CWC22: variants seen among roughly 807,000 people sequenced by gnomAD.
The protein encoded by CWC22 is CWC22 spliceosome associated protein.
In CWC22, 53 loss-of-function variants were observed where a neutral mutation model predicts 117.2. The observed-to-expected ratio is 0.45, with a 90% CI of 0.36 to 0.57. CWC22 has a LOEUF of 0.57. Among genes scored for constraint, CWC22 ranks in the 20% least tolerant of loss-of-function variants. The pLI, the probability that CWC22 is intolerant of heterozygous loss-of-function variation, is 0.00. For synonymous variants in CWC22, 360 were observed against 355.6 expected (o/e 1.01, Z -0.14); for missense variants, 980 against 1,068.8 (o/e 0.92, Z 1.16).
intron 13 of CWC22, among the ~76,000 whole-genome samples, chr2:179,961,072 C>T (rs1479089233): frequency 6.6e-6 from 1 of 151,950 alleles, no homozygotes; most frequent in Admixed American, 6.6e-5. Flanking sequence ...ATCCTAAACA[C>T]AGGGCATCTA....
intron 19 of CWC22, among the ~76,000 whole-genome samples, chr2:179,949,310 T>C (rs912198545): frequency 3.3e-5 from 5 of 152,024 alleles, no homozygotes; most frequent in African/African-American, 1.2e-4. Flanking sequence ...ATCTAGAATA[T>C]GTAAAGAAAA....
chr2:179,963,508 A>G (rs1337325460), intron 13 of CWC22, among the ~76,000 whole-genome samples: 1 of 150,860 alleles, frequency 6.6e-6, no homozygotes, highest in Non-Finnish European at 1.5e-5. Context: ...ACGCCCGGCT[A>G]ATTTTTTGTA....
intron 19 of CWC22, among the ~76,000 whole-genome samples, chr2:179,948,225 T>C (rs911290743): frequency 6.6e-6 from 1 of 152,080 alleles, no homozygotes; most frequent in Admixed American, 6.6e-5. Context: ...GCAAAATAAA[T>C]GACAGTATTG....
At chr2:179,949,441 T>G (rs934866635) in intron 19 of CWC22, among the ~76,000 whole-genome samples, 3 of 152,170 alleles carry the variant, frequency 2.0e-5, no homozygotes, top group African/African-American at 7.2e-5. Context: ...ACTTCTCTAG[T>G]TGAAATGCAA....
intron 4 of CWC22, among the ~76,000 whole-genome samples, chr2:179,985,714 C>T (rs1687401697): frequency 6.6e-6 from 1 of 151,948 alleles, no homozygotes; most frequent in South Asian, 2.1e-4. Context: ...AGAGTATATT[C>T]TTATAATCGT....
chr2:179,994,574 T>C (rs1687653170), intron 1 of CWC22, among the ~76,000 whole-genome samples: 2 of 152,206 alleles, frequency 1.3e-5, no homozygotes, highest in Admixed American at 1.3e-4. Context: ...GATGGGGATG[T>C]ATACGAATTA....
chr2:179,945,328 CTG>C lies in CWC22; in HGVS notation c.2526_2527del (p.Asp842GlufsTer2). 1 of 1,613,378 alleles carries C rather than the reference CTG, an allele frequency of 6.2e-7. No homozygotes were observed. The highest frequency in any genetic ancestry group is 1.1e-5 in the South Asian group (1 of 90,926). The stretch of plus-strand genomic sequence containing the variant: ...TCTATCTTTTCTTCTGAAATTTTCA[CTG>C]TCTTTAATTCGGTGTGTATGCTTCT... On this transcript the variant is annotated frameshift_variant, in exon 20 of 20. Transcript: ENST00000410053. LOFTEE classifies it high-confidence loss of function.
At chr2:179,956,906 CCTAGA>C (rs1686606751) in intron 14 of CWC22, among the ~76,000 whole-genome samples, 1 of 151,858 alleles carries the variant, frequency 6.6e-6, no homozygotes, top group African/African-American at 2.4e-5. Context: ...TACCTTCTTC[CCTAGA>C]CTAAACGCAA....
At chr2:179,961,383 AG>A (rs1211024801) in intron 13 of CWC22, among the ~76,000 whole-genome samples, 2 of 151,978 alleles carry the variant, frequency 1.3e-5, no homozygotes, top group African/African-American at 4.8e-5. Flanking sequence ...TATTACTTAG[AG>A]GGTTTCCTAA....
intron 1 of CWC22, among the ~76,000 whole-genome samples, chr2:180,003,840 C>A (rs1056911704): frequency 6.6e-6 from 1 of 152,180 alleles, no homozygotes; most frequent in South Asian, 2.1e-4. Context: ...CAGCCCATAC[C>A]CCGTTTTTGG....
At chr2:179,991,081 A>C (rs1687555078) in intron 2 of CWC22, among the ~76,000 whole-genome samples, 1 of 152,178 alleles carries the variant, frequency 6.6e-6, no homozygotes, top group South Asian at 2.1e-4. Flanking sequence ...TTACCTTTTA[A>C]AATTTTTCGA....
intron 1 of CWC22, among the ~76,000 whole-genome samples, chr2:179,994,832 C>T (rs10754991): frequency 6.6e-6 from 1 of 152,210 alleles, no homozygotes; most frequent in Non-Finnish European, 1.5e-5. Flanking sequence ...AGTTGTCCCC[C>T]AATCTTTTCT....
rs1686842331 is a variant in CWC22 at position 179,964,617 on chromosome 2, T to C, written c.1327A>G (p.Thr443Ala). 3 of 1,538,256 alleles carry C rather than the reference T, an allele frequency of 2.0e-6. No homozygotes were observed. In the South Asian group the frequency reaches 3.6e-5, roughly 19 times the overall value. ...GEEDEEGQKVTIHDKTEINLV... is the reference protein window; with the variant it reads ...GEEDEEGQKVAIHDKTEINLV... ...TTAATTTCTGTTTTGTCATGAATAG[T>C]TACTTTTTGTCCTGAAAGAAACATA... Residue 443 changes from threonine (T) to alanine (A), a missense_variant, in exon 13 of 20, where the codon ACT becomes GCT. By Grantham distance (58) the Thr-to-Ala change is moderately conservative. This residue lies in a region of CWC22 where 559 missense variants were observed against 602.3 expected (regional missense o/e 0.93). Transcript: ENST00000410053.
At chr2:180,002,216 T>C (rs1459322022) in intron 1 of CWC22, among the ~76,000 whole-genome samples, 1 of 152,240 alleles carries the variant, frequency 6.6e-6, no homozygotes, top group East Asian at 1.9e-4. Context: ...TTCTAAGATA[T>C]GACTTACAAA....
Position 179,952,460 on chromosome 2 carries a change from G to A in CWC22, c.1817+11C>T. On this transcript the variant is annotated intron_variant, in intron 17 of 19. Coordinates refer to ENST00000410053, the MANE Select transcript of CWC22 (RefSeq NM_020943.3). ...TCAATAAGAATAAAAAGTGCTTAAT[G>A]GCAAACTTACTCATCCTTTAATCTT... is the stretch of plus-strand genomic sequence containing the variant. 2 of 1,550,450 alleles carry A rather than the reference G, an allele frequency of 1.3e-6. No homozygotes were observed. The highest frequency in any genetic ancestry group is 8.7e-7 in the Non-Finnish European group (1 of 1,148,538).
chr2:179,970,591 A>T, intron 10 of CWC22, 28 bp from the exon 11 acceptor site: 2 of 1,556,964 alleles, frequency 1.3e-6, no homozygotes, highest in Non-Finnish European at 1.7e-6. Flanking sequence ...GTTAATGTTT[A>T]TTTTCTATAT....
chr2:180,002,193 A>G (rs1687865098), intron 1 of CWC22, among the ~76,000 whole-genome samples: 1 of 152,190 alleles, frequency 6.6e-6, no homozygotes, highest in Non-Finnish European at 1.5e-5. Context: ...TCCCCATCTT[A>G]AACCAGCTCT....
intron 2 of CWC22, 76 bp downstream of exon 2, chr2:179,993,239 A>G: frequency 9.2e-7 from 1 of 1,088,290 alleles, no homozygotes; most frequent in African/African-American, 1.6e-5. Context: ...TCCTAATTAC[A>G]TAAATGCATT....
intron 1 of CWC22, among the ~76,000 whole-genome samples, chr2:179,999,647 G>T (rs1164901834): frequency 6.6e-6 from 1 of 152,112 alleles, no homozygotes; most frequent in Non-Finnish European, 1.5e-5. Context: ...TGTCACTTCG[G>T]TGTTCTCAGT....
Sources: gnomAD v4.1 joint callset for allele counts (sites outside exome capture counted in the v4.1 genomes callset) on GRCh38, gnomAD v4.1.1 for gene constraint, gnomAD v4.1.1 regional missense constraint, MANE v1.5 for transcripts, NCBI Gene and HGNC (gene_info 2026-07-23, HGNC 2026-07-21) for gene names.